Variants in TRAPPC13 observed in about 807,000 individuals in gnomAD.
TRAPPC13 encodes the protein REV7-interacting novel NHEJ regulator 1.
A neutral mutation model predicts 54.0 loss-of-function variants in TRAPPC13; 39 were observed. The ratio of observed to expected loss-of-function variants is 0.72; its 90% CI spans 0.56 to 0.94. The LOEUF (loss-of-function observed/expected upper bound fraction) is 0.94, where lower values mean the gene tolerates loss of function less well. TRAPPC13 is among the 40% of genes least tolerant of loss of function. The pLI is 0.00. For synonymous variants in TRAPPC13, 148 were observed against 167.7 expected, an observed-to-expected ratio of 0.88 and a Z score of 0.91; for missense variants, 386 against 488.1, an observed-to-expected ratio of 0.79 and a Z score of 1.97.
chr5:65,642,255 G>A lies in TRAPPC13; in HGVS notation c.300+4475G>A, dbSNP rs543809789. Among the ~76,000 whole-genome samples, 16 of 152,060 alleles carry A rather than the reference G, an allele frequency of 1.1e-4. No homozygotes were observed. The South Asian group carries it at 1.9e-3, about 18-fold the overall frequency. ...GGAGAATCGCTTGAACTTAGGAGGCGGAGGTTGCGGTGAGCCGAGATTGTG... is the reference window on the plus strand; with the variant it reads ...GGAGAATCGCTTGAACTTAGGAGGCAGAGGTTGCGGTGAGCCGAGATTGTG... On this transcript the variant is annotated intron_variant, in intron 4 of 12. Transcript: ENST00000399438.
chr5:65,652,782 T>C (rs1266624255), intron 7 of TRAPPC13: 4 of 541,648 alleles, frequency 7.4e-6, no homozygotes, highest in Non-Finnish European at 1.3e-5. Flanking sequence ...TATAAGGCTT[T>C]CATCTCCTTT....
intron 2 of TRAPPC13, among the ~76,000 whole-genome samples, 169 bp from the exon 3 acceptor site, chr5:65,635,775 G>C (rs1755723100): frequency 7.2e-6 from 1 of 138,564 alleles, no homozygotes. Flanking sequence ...TGTGAGATCA[G>C]AATTTTTTTG....
intron 4 of TRAPPC13, among the ~76,000 whole-genome samples, chr5:65,642,684 T>C (rs1398175382): frequency 6.6e-6 from 1 of 152,170 alleles, no homozygotes; most frequent in African/African-American, 2.4e-5. Context: ...TACTTTTGAT[T>C]TTAAGAGGTG....
At chr5:65,633,948 A>T in intron 1 of TRAPPC13, among the ~76,000 whole-genome samples, 2 of 133,182 alleles carry the variant, frequency 1.5e-5, no homozygotes, top group South Asian at 2.5e-4. Context: ...TTTTGTCAAG[A>T]GGTTGTTTTT....
intron 10 of TRAPPC13, 178 bp downstream of exon 10, chr5:65,661,075 A>G (rs780351258): frequency 2.0e-6 from 1 of 496,322 alleles, no homozygotes; most frequent in South Asian, 3.7e-5. Flanking sequence ...TGGTGTTGCC[A>G]TGAATGAAAA....
intron 5 of TRAPPC13, among the ~76,000 whole-genome samples, chr5:65,649,180 C>T (rs1351586097): frequency 6.6e-6 from 1 of 152,068 alleles, no homozygotes; most frequent in African/African-American, 2.4e-5. Flanking sequence ...CACGCCACTG[C>T]TCTTCAGCCT....
intron 1 of TRAPPC13, chr5:65,630,001 C>A: frequency 1.3e-6 from 2 of 1,535,780 alleles, no homozygotes; most frequent in South Asian, 1.2e-5. Flanking sequence ...CCCTTCCCAG[C>A]AATAATTGTA....
chr5:65,632,560 G>A (rs1350959697), intron 1 of TRAPPC13, among the ~76,000 whole-genome samples: 1 of 152,064 alleles, frequency 6.6e-6, no homozygotes, highest in African/African-American at 2.4e-5. Context: ...AATCACCAGG[G>A]TTCAAATCTA....
chr5:65,646,848 TA>T (rs778609470), intron 4 of TRAPPC13, among the ~76,000 whole-genome samples: 113 of 152,178 alleles, frequency 7.4e-4, no homozygotes, highest in Middle Eastern at 3.4e-3. Context: ...CTTATTTATT[TA>T]TTTTTTTGGG....
At chr5:65,637,360 A>G (rs468602) in intron 3 of TRAPPC13, among the ~76,000 whole-genome samples, 90,047 of 151,488 alleles carry the variant, frequency 0.59, 27,090 homozygotes, top group South Asian at 0.64. Flanking sequence ...TGATGGGCAC[A>G]GTGGCTCACG....
chr5:65,652,339 CTTTTTT>C (rs11354403), intron 6 of TRAPPC13, among the ~76,000 whole-genome samples, 156 bp from the exon 7 acceptor site: 7 of 116,218 alleles, frequency 6.0e-5, no homozygotes, highest in South Asian at 2.7e-4. Context: ...TTTTTCTTTT[CTTTTTT>C]TTTTTTTTTT....
chr5:65,660,896 T>C lies in TRAPPC13; in HGVS notation c.896T>C (p.Met299Thr). Residue 299 changes from methionine to threonine, a missense_variant and splice_region_variant, in exon 10 of 13, where the codon ATG (methionine) becomes ACG (threonine). Coordinates refer to ENST00000399438, the MANE Select transcript of TRAPPC13 (RefSeq NM_024941.4). ...GRLQTSQLQR[M>T]APGYGDVRLS... ...TTACAGACCAGCCAACTTCAAAGAA[T>C]GGTGAGTCTGGAAAAAACTTCGCTG... 6.2e-7 allele frequency: 1 copy of C among 1,603,176 alleles called. No individual in the cohort carries two copies. The highest frequency in any genetic ancestry group is 8.5e-7 in the Non-Finnish European group (1 of 1,175,086).
chr5:65,649,743 G>C (rs467976), intron 5 of TRAPPC13, among the ~76,000 whole-genome samples: 91,173 of 151,970 alleles, frequency 0.6, 27,689 homozygotes, highest in South Asian at 0.65. Context: ...ATTGTTACAA[G>C]TATTTTATCC....
At chr5:65,646,974 T>C (rs865826471) in intron 4 of TRAPPC13, 81 bp from the exon 5 acceptor site, 1 of 1,305,030 alleles carries the variant, frequency 7.7e-7, no homozygotes, top group Middle Eastern at 2.4e-4. Context: ...ATTCCCCTAT[T>C]CTTTCCACTC....
intron 1 of TRAPPC13, chr5:65,630,234 ATAT>A (rs1329153215): frequency 1.5e-5 from 23 of 1,535,850 alleles, no homozygotes; most frequent in Non-Finnish European, 2.0e-5. Flanking sequence ...GTGTTCTGTG[ATAT>A]TATGTATTGT....
chr5:65,632,391 C>T (rs1755582338), intron 1 of TRAPPC13, among the ~76,000 whole-genome samples: 1 of 152,144 alleles, frequency 6.6e-6, no homozygotes. Flanking sequence ...AGGTTGGAAA[C>T]GCCTCCCCAT....
At chr5:65,661,561 T>A (rs1756853631) in intron 10 of TRAPPC13, 1 of 152,486 alleles carries the variant, frequency 6.6e-6, no homozygotes, top group Non-Finnish European at 1.5e-5. Flanking sequence ...CACTTAAATA[T>A]AGCCGTTAGT....
rs1175469700 is a variant in TRAPPC13 at position 65,664,773 on chromosome 5, T to G, written c.*162T>G. 6.5e-6 allele frequency: 4 copies of G among 616,846 alleles called. No individual in the cohort carries two copies. In the African/African-American group the frequency reaches 7.6e-5, roughly 12 times the overall value. 38.2% of individuals were successfully genotyped at this position (616,846 alleles called of 1,614,324 possible). ...AATATTTGTTTTGAAGAGATCTGAT[T>G]TTATCTTGTAATTTATATTTGAAAT... On this transcript the variant is annotated 3_prime_UTR_variant, in exon 13 of 13. Transcript: ENST00000399438.
chr5:65,640,788 A>G (rs899220719), intron 4 of TRAPPC13, among the ~76,000 whole-genome samples: 6 of 152,202 alleles, frequency 3.9e-5, no homozygotes, highest in African/African-American at 1.4e-4. Flanking sequence ...AGAATACAGT[A>G]GTATGCATGT....
Sources: gnomAD v4.1 joint callset for allele counts (sites outside exome capture counted in the v4.1 genomes callset) on GRCh38, gnomAD v4.1.1 for gene constraint, MANE v1.5 for transcripts, NCBI Gene and HGNC (gene_info 2026-07-23, HGNC 2026-07-21) for gene names.